Variants in SLC44A5 observed in about 807,000 individuals in gnomAD.
SLC44A5 encodes choline transporter-like protein 5.
Under a neutral mutation model 101.8 loss-of-function variants are expected in SLC44A5, and 57 were observed. The observed-to-expected ratio is 0.56, with a 90% confidence interval of 0.45 to 0.70. The LOEUF (loss-of-function observed/expected upper bound fraction) is 0.70, where lower values mean the gene tolerates loss of function less well. Ranked by LOEUF, SLC44A5 falls within the 30% of genes least tolerant of loss-of-function variation. The pLI is 0.00. For missense variants in SLC44A5, 737 were observed against 853.1 expected (o/e 0.86, Z 1.70); for synonymous variants, 281 against 290.9 (o/e 0.97, Z 0.35).
chr1:75,323,621 A>T (rs929568832), intron 4 of SLC44A5, among the ~76,000 whole-genome samples: 1 of 152,198 alleles, frequency 6.6e-6, no homozygotes, highest in African/African-American at 2.4e-5. Context: ...CATTATTATA[A>T]TTCTATTTCA....
intron 3 of SLC44A5, 144 bp from the exon 4 acceptor site, chr1:75,339,774 A>G (rs1170887345): frequency 3.3e-6 from 2 of 611,822 alleles, no homozygotes; most frequent in East Asian, 3.2e-5. Context: ...AAACATAAGT[A>G]TGTCTTGGTT....
chr1:75,351,858 A>G (rs1274280602), intron 3 of SLC44A5, among the ~76,000 whole-genome samples: 4 of 120,760 alleles, frequency 3.3e-5, no homozygotes, highest in Non-Finnish European at 7.4e-5. Context: ...AAAAAAAAAA[A>G]AAAAAAAAAA....
intron 1 of SLC44A5, among the ~76,000 whole-genome samples, chr1:75,568,491 G>GACCTTTTTTCT: frequency 6.6e-6 from 1 of 152,222 alleles, no homozygotes; most frequent in African/African-American, 2.4e-5. Context: ...ACAGGAAACA[G>GACCTTTTTTCT]GCCTTTTTTT....
chr1:75,287,154 T>C (rs149575329), intron 5 of SLC44A5, among the ~76,000 whole-genome samples: 32 of 152,108 alleles, frequency 2.1e-4, no homozygotes, highest in African/African-American at 7.5e-4. Context: ...TTTTCTGTCT[T>C]TGTTGGATTG....
At chr1:75,389,677 A>C (rs1284940111) in intron 3 of SLC44A5, among the ~76,000 whole-genome samples, 1 of 152,210 alleles carries the variant, frequency 6.6e-6, no homozygotes, top group African/African-American at 2.4e-5. Flanking sequence ...TTAAGAGGAA[A>C]GTTTATAGCA....
intron 2 of SLC44A5, among the ~76,000 whole-genome samples, chr1:75,478,085 A>G (rs1400912539): frequency 6.6e-6 from 1 of 152,212 alleles, no homozygotes; most frequent in Non-Finnish European, 1.5e-5. Flanking sequence ...AGAAGAGAGT[A>G]TGGGCCAATA....
chr1:75,458,286 G>A (rs1216944311), intron 2 of SLC44A5, among the ~76,000 whole-genome samples: 2 of 152,186 alleles, frequency 1.3e-5, no homozygotes, highest in Non-Finnish European at 2.9e-5. Flanking sequence ...GTTTCTGGGG[G>A]CATAAAGCAT....
chr1:75,309,434 A>AC (rs1009297813), intron 4 of SLC44A5, among the ~76,000 whole-genome samples: 59 of 152,334 alleles, frequency 3.9e-4, no homozygotes, highest in African/African-American at 1.4e-3. Flanking sequence ...CCTCTAAAAA[A>AC]AATTTTTCAA....
chr1:75,709,675 C>A, the SLC44A5 span, among the ~76,000 whole-genome samples: 2 of 152,120 alleles, frequency 1.3e-5, no homozygotes, highest in Non-Finnish European at 2.9e-5. Flanking sequence ...GTAGCTATTC[C>A]TTCTATAAAT....
the SLC44A5 span, among the ~76,000 whole-genome samples, chr1:75,662,891 G>A: frequency 6.6e-6 from 1 of 152,008 alleles, no homozygotes; most frequent in African/African-American, 2.4e-5. Flanking sequence ...GCCTTTCAAT[G>A]TATTCAAAAC....
the SLC44A5 span, among the ~76,000 whole-genome samples, chr1:75,711,720 C>T: frequency 8.2e-4 from 125 of 152,252 alleles, 1 homozygote; most frequent in African/African-American, 2.6e-3. Context: ...TGTGGGGGTA[C>T]GGTGATGTGT....
intron 2 of SLC44A5, among the ~76,000 whole-genome samples, chr1:75,406,562 C>T (rs1327984689): frequency 1.3e-5 from 2 of 152,092 alleles, no homozygotes; most frequent in African/African-American, 2.4e-5. Context: ...TCAACATATG[C>T]AAATCAATAA....
chr1:75,541,012 G>A (rs1671325755), intron 2 of SLC44A5, among the ~76,000 whole-genome samples: 2 of 152,276 alleles, frequency 1.3e-5, no homozygotes, highest in East Asian at 1.9e-4. Context: ...GTCTCAATAC[G>A]AGAAAGGGGG....
the SLC44A5 span, among the ~76,000 whole-genome samples, chr1:75,622,497 C>T: frequency 2.6e-5 from 4 of 151,674 alleles, no homozygotes; most frequent in East Asian, 5.8e-4. Context: ...CCACAGAAAC[C>T]CCCCCAAAAA....
In SLC44A5 at chr1:75,202,966, C is replaced by A. The variant is rs1646688371; in HGVS notation, c.*761G>T. 6.6e-6 allele frequency: 1 copy of A among 152,106 alleles called. No homozygotes were observed. The highest frequency in any genetic ancestry group is 1.5e-5 in the Non-Finnish European group (1 of 68,014). 9.4% of individuals were successfully genotyped at this position (152,106 alleles called of 1,614,324 possible). A position where few individuals can be genotyped will look rare whatever the true frequency, so the allele number is the denominator to read the frequency against. On this transcript the variant is annotated 3_prime_UTR_variant, in exon 24 of 24. Coordinates refer to ENST00000370859, the MANE Select transcript of SLC44A5 (RefSeq NM_001130058.2). ...ACTAGGCGCAAGGGAAATTGTTTAG[C>A]TGCACAATGTATTCCATAATAGTGA...
At chr1:75,697,426 A>T in the SLC44A5 span, among the ~76,000 whole-genome samples, 2 of 152,204 alleles carry the variant, frequency 1.3e-5, no homozygotes. Flanking sequence ...ATCAGAAGGT[A>T]TAAGAATCAA....
rs569872306 is a variant in SLC44A5, at chr1:75,520,546, G to C, written c.13+20889C>G. 1.9e-3 allele frequency among the ~76,000 whole-genome samples: 286 copies of C among 152,074 alleles called. 1 individual carries two copies. Among genetic ancestry groups the C allele is most frequent in the African/African-American group, 6.4e-3 (267 of 41,478 alleles). ...GTAGATATAGATGAAAGAATAGACA[G>C]GGATAATTGAAAGAAAGAATGAGAA... On this transcript the variant is annotated intron_variant, in intron 2 of 23. Coordinates refer to ENST00000370859, the MANE Select transcript of SLC44A5 (RefSeq NM_001130058.2).
At chr1:75,397,892 A>G (rs1354139035) in intron 2 of SLC44A5, among the ~76,000 whole-genome samples, 1 of 152,146 alleles carries the variant, frequency 6.6e-6, no homozygotes, top group Non-Finnish European at 1.5e-5. Context: ...ACCACCACAC[A>G]CACACCTTTA....
chr1:75,702,525 CT>C, the SLC44A5 span, among the ~76,000 whole-genome samples: 1 of 152,150 alleles, frequency 6.6e-6, no homozygotes, highest in Non-Finnish European at 1.5e-5. Context: ...GGATTAAAGA[CT>C]TAAATGTTAG....
Sources: allele counts gnomAD v4.1 joint callset (sites outside exome capture counted in the v4.1 genomes callset), GRCh38; gene constraint gnomAD v4.1.1; transcripts MANE v1.5; gene names NCBI Gene and HGNC (gene_info 2026-07-23, HGNC 2026-07-21).